The following SEZ6L variants were observed in gnomAD, a reference collection of about 807,000 sequenced individuals.
SEZ6L encodes seizure 6-like protein.
In SEZ6L, 37 loss-of-function variants were observed where a neutral mutation model predicts 106.2. The observed-to-expected ratio is 0.35, with a 90% CI of 0.27 to 0.46. The LOEUF is 0.46. SEZ6L is among the 20% of genes least tolerant of loss of function. The probability of loss-of-function intolerance (pLI) is 1.00; values close to 1 mark genes in which losing one functional copy is unlikely to be tolerated. For synonymous variants in SEZ6L, 541 were observed against 570.4 expected, an observed-to-expected ratio of 0.95 and a Z score of 0.73; for missense variants, 1,172 against 1,332.8, an observed-to-expected ratio of 0.88 and a Z score of 1.88.
chr22:26,242,586 A>T (rs1193594459), intron 1 of SEZ6L, among the ~76,000 whole-genome samples: 1 of 152,238 alleles, frequency 6.6e-6, no homozygotes, highest in African/African-American at 2.4e-5. Context: ...AAAGAAAAAT[A>T]AAAGCAATGT....
At chr22:26,183,937 CA>C (rs1325145683) in intron 1 of SEZ6L, among the ~76,000 whole-genome samples, 1 of 152,094 alleles carries the variant, frequency 6.6e-6, no homozygotes, top group Non-Finnish European at 1.5e-5. Flanking sequence ...TAGCACGTGG[CA>C]AAGGATATCC....
In SEZ6L at chr22:26,255,168, C is replaced by T. The variant is rs147215125; in HGVS notation, c.95-37238C>T. ...AATTTGATGGATTTGGAGATGAGCACACACCCATGAAAACATCAGTGCAAA... is the reference window on the plus strand; with the variant it reads ...AATTTGATGGATTTGGAGATGAGCATACACCCATGAAAACATCAGTGCAAA... On this transcript the variant is annotated intron_variant, in intron 1 of 16. Transcript: ENST00000248933. Among the ~76,000 whole-genome samples, 8 of 152,300 alleles carry T rather than the reference C, an allele frequency of 5.3e-5. No individual in the cohort carries two copies. In the East Asian group the frequency reaches 1.5e-3, roughly 29 times the overall value.
At chr22:26,224,427 AGACACAGATCATCTAG>A (rs1329276272) in intron 1 of SEZ6L, among the ~76,000 whole-genome samples, 2 of 152,194 alleles carry the variant, frequency 1.3e-5, no homozygotes, top group Non-Finnish European at 2.9e-5. Flanking sequence ...AGAAGGAGAC[AGACACAGATCATCTAG>A]TGCCCTTAAG....
In SEZ6L at chr22:26,294,341, C is replaced by G; in HGVS notation, c.885C>G (p.Ser295Arg). 6.2e-7 allele frequency: 1 copy of G among 1,614,030 alleles called. No homozygotes were observed. Among genetic ancestry groups the G allele is most frequent in the Middle Eastern group, 1.6e-4 (1 of 6,062 alleles). The part of the protein sequence containing the change: ...FSNPEGYIDS[S>R]DYPLLPLNNF... ...ATCCTGAGGGGTACATTGACTCCAG[C>G]GACTACCCACTGCTGCCCCTCAACA... The change falls in exon 3 of 17, where the codon AGC becomes AGG. Residue 295 changes from serine to arginine, a missense_variant. Physicochemically the swap from Ser to Arg is moderately radical, Grantham distance 110 (BLOSUM62 -1). Transcript: ENST00000248933.
chr22:26,282,891 G>A (rs1471747861), intron 1 of SEZ6L, among the ~76,000 whole-genome samples: 1 of 152,124 alleles, frequency 6.6e-6, no homozygotes. Context: ...AATTTAAAAT[G>A]TGTAAATCTT....
intron 1 of SEZ6L, among the ~76,000 whole-genome samples, chr22:26,231,861 C>CACCT (rs2078807955): frequency 6.6e-6 from 1 of 152,178 alleles, no homozygotes; most frequent in Non-Finnish European, 1.5e-5. Flanking sequence ...CCTTAGCTGT[C>CACCT]ACCTGAGTGG....
intron 12 of SEZ6L, among the ~76,000 whole-genome samples, chr22:26,361,349 C>CA (rs57714714): frequency 8.6e-5 from 12 of 140,342 alleles, no homozygotes; most frequent in African/African-American, 1.3e-4. Context: ...AATACAAAAA[C>CA]AAAAAAAATC....
intron 1 of SEZ6L, among the ~76,000 whole-genome samples, chr22:26,247,353 C>T (rs939766502): frequency 3.9e-5 from 6 of 152,102 alleles, no homozygotes; most frequent in East Asian, 1.9e-4. Context: ...TCATGTCTGC[C>T]GAAAAGCTCA....
intron 3 of SEZ6L, among the ~76,000 whole-genome samples, chr22:26,296,402 A>G (rs1372489584): frequency 6.6e-6 from 1 of 152,226 alleles, no homozygotes; most frequent in Non-Finnish European, 1.5e-5. Context: ...AGCACTTAAT[A>G]TGTGCCAGGT....
chr22:26,171,066 C>G, intron 1 of SEZ6L, among the ~76,000 whole-genome samples: 1 of 152,192 alleles, frequency 6.6e-6, no homozygotes, highest in East Asian at 1.9e-4. Flanking sequence ...GGAGTGCCCC[C>G]CTCAGCATAA....
At chr22:26,227,649 C>T (rs1202741191) in intron 1 of SEZ6L, among the ~76,000 whole-genome samples, 1 of 149,242 alleles carries the variant, frequency 6.7e-6, no homozygotes, top group African/African-American at 2.5e-5. Context: ...GAACTCCTGG[C>T]TTGAAGTGAT....
intron 1 of SEZ6L, among the ~76,000 whole-genome samples, chr22:26,273,668 C>G (rs754724737): frequency 1.3e-5 from 2 of 152,180 alleles, no homozygotes; most frequent in Non-Finnish European, 1.5e-5. Context: ...CCAGTGAGAA[C>G]GTTGACTCTG....
rs199913295 is a variant in SEZ6L, at chr22:26,375,604, G to C, written c.2857G>C (p.Glu953Gln). The C allele has an allele frequency of 5.0e-6, 8 of 1,614,028 alleles. No individual in the cohort carries two copies. The stretch of plus-strand genomic sequence containing the variant: ...AGAAGCGGCAGCAGAGACGTCGCTG[G>C]AAGGGGGGAACATGGCCCTGGCTAT... ...VAEAAAETSLEGGNMALAIFI... is the reference protein window; with the variant it reads ...VAEAAAETSLQGGNMALAIFI... Residue 953 changes from glutamate (E) to glutamine (Q), a missense_variant, in exon 15 of 17, where the codon GAA becomes CAA. Physicochemically the swap from Glu to Gln is conservative, Grantham distance 29 (BLOSUM62 2). This residue lies in a region of SEZ6L where 141 missense variants were observed against 176.0 expected (regional missense o/e 0.80). Coordinates refer to ENST00000248933, the MANE Select transcript of SEZ6L (RefSeq NM_021115.5).
At chr22:26,255,822 A>C (rs2079797933) in intron 1 of SEZ6L, among the ~76,000 whole-genome samples, 1 of 152,232 alleles carries the variant, frequency 6.6e-6, no homozygotes, top group Non-Finnish European at 1.5e-5. Flanking sequence ...ATCCAATAAA[A>C]GTGAAATAAA....
intron 1 of SEZ6L, among the ~76,000 whole-genome samples, chr22:26,289,299 A>G (rs1386284177): frequency 6.6e-6 from 1 of 152,238 alleles, no homozygotes; most frequent in Non-Finnish European, 1.5e-5. Context: ...CACAGTCTAC[A>G]AAGATGGTCA....
At chr22:26,244,530 T>A (rs1023340158) in intron 1 of SEZ6L, 1 of 152,182 alleles carries the variant, frequency 6.6e-6, no homozygotes, top group African/African-American at 2.4e-5. Context: ...AAATAGTGTA[T>A]CTAGGAAGTC....
intron 1 of SEZ6L, among the ~76,000 whole-genome samples, chr22:26,188,554 G>A (rs2145649582): frequency 6.6e-6 from 1 of 152,288 alleles, no homozygotes; most frequent in East Asian, 1.9e-4. Flanking sequence ...TGACTTGGCA[G>A]CCATCTATAA....
intron 1 of SEZ6L, among the ~76,000 whole-genome samples, chr22:26,268,519 C>T (rs1279947788): frequency 6.6e-6 from 1 of 152,128 alleles, no homozygotes; most frequent in Non-Finnish European, 1.5e-5. Flanking sequence ...GGATCTAGCA[C>T]CTTAATCTGA....
rs998033922 is a variant in SEZ6L, at chr22:26,319,616, C to T, written c.2015+5714C>T. Among the ~76,000 whole-genome samples, 12 of 152,300 alleles carry T rather than the reference C, an allele frequency of 7.9e-5. No individual in the cohort carries two copies. The South Asian group carries it at 2.5e-3, about 32-fold the overall frequency. On this transcript the variant is annotated intron_variant, in intron 9 of 16. Coordinates refer to ENST00000248933, the MANE Select transcript of SEZ6L (RefSeq NM_021115.5). ...TGCTCTGCCCCAAATATCTGCAGAG[C>T]TTGCTCCCCATCTCTCCATCCTCTG... is the stretch of plus-strand genomic sequence containing the variant.
Sources: allele counts gnomAD v4.1 joint callset (sites outside exome capture counted in the v4.1 genomes callset), GRCh38; gene constraint gnomAD v4.1.1; regional missense constraint gnomAD v4.1.1; transcripts MANE v1.5; gene names NCBI Gene and HGNC (gene_info 2026-07-23, HGNC 2026-07-21).